CTNNA2: variants seen among roughly 807,000 people sequenced by gnomAD.
The protein encoded by CTNNA2 is catenin alpha-2.
A neutral mutation model predicts 101.0 loss-of-function variants in CTNNA2; 42 were observed. The observed-to-expected ratio is 0.42, with a 90% CI of 0.32 to 0.54. The LOEUF (loss-of-function observed/expected upper bound fraction) is 0.54, where lower values mean the gene tolerates loss of function less well. Ranked by LOEUF, CTNNA2 falls within the 20% of genes least tolerant of loss-of-function variation. The pLI is 0.14. For missense variants in CTNNA2, 871 were observed against 1,223.1 expected, an observed-to-expected ratio of 0.71 and a Z score of 4.29; for synonymous variants, 450 against 456.4, an observed-to-expected ratio of 0.99 and a Z score of 0.18.
intron 7 of CTNNA2, among the ~76,000 whole-genome samples, chr2:79,932,154 C>A (rs1481444483): frequency 2.0e-5 from 3 of 152,156 alleles, no homozygotes; most frequent in African/African-American, 7.2e-5. Context: ...CTGTTGTACA[C>A]CCAGACTGCA....
intron 7 of CTNNA2, among the ~76,000 whole-genome samples, chr2:80,169,287 C>A (rs919799785): frequency 2.6e-5 from 4 of 152,088 alleles, no homozygotes; most frequent in Non-Finnish European, 5.9e-5. Context: ...GCACGAAATT[C>A]CTCACCATGG....
intron 7 of CTNNA2, among the ~76,000 whole-genome samples, chr2:80,297,287 A>G (rs1396881494): frequency 6.6e-6 from 1 of 152,172 alleles, no homozygotes; most frequent in Admixed American, 6.5e-5. Flanking sequence ...TGTGTAGTGA[A>G]AAGGCCACCA....
intron 14 of CTNNA2, among the ~76,000 whole-genome samples, chr2:80,587,160 C>A (rs1198190058): frequency 6.6e-6 from 1 of 152,100 alleles, no homozygotes; most frequent in Non-Finnish European, 1.5e-5. Context: ...CTATGAATTT[C>A]TCTAGGCCTA....
intron 1 of CTNNA2, among the ~76,000 whole-genome samples, chr2:79,523,466 A>G (rs1672230934): frequency 6.6e-6 from 1 of 152,072 alleles, no homozygotes; most frequent in African/African-American, 2.4e-5. Context: ...CTATTACTTG[A>G]TAGTGTGGTT....
At chr2:80,024,629 C>T (rs572083141) in intron 7 of CTNNA2, among the ~76,000 whole-genome samples, 2 of 152,322 alleles carry the variant, frequency 1.3e-5, no homozygotes, top group Non-Finnish European at 2.9e-5. Context: ...GGTCACTCCG[C>T]TCTGGTGGGA....
chr2:79,792,284 C>T (rs1675333798), intron 3 of CTNNA2, among the ~76,000 whole-genome samples: 1 of 152,060 alleles, frequency 6.6e-6, no homozygotes, highest in Non-Finnish European at 1.5e-5. Flanking sequence ...TAGTAAACAG[C>T]CTTGGAAATA....
At chr2:80,549,208 C>G (rs1449269189) in intron 11 of CTNNA2, among the ~76,000 whole-genome samples, 1 of 152,156 alleles carries the variant, frequency 6.6e-6, no homozygotes, top group Non-Finnish European at 1.5e-5. Flanking sequence ...TTAAAATAAG[C>G]ATCTTGGCAT....
At chr2:79,550,817 A>G (rs1486641993) in intron 1 of CTNNA2, among the ~76,000 whole-genome samples, 1 of 152,060 alleles carries the variant, frequency 6.6e-6, no homozygotes, top group Non-Finnish European at 1.5e-5. Flanking sequence ...AACCTAATAT[A>G]CCCACAGTCA....
intron 9 of CTNNA2, among the ~76,000 whole-genome samples, chr2:80,440,461 T>C (rs1273930168): frequency 6.6e-6 from 1 of 152,234 alleles, no homozygotes; most frequent in East Asian, 1.9e-4. Flanking sequence ...TGCTGAGTTC[T>C]TGGCTATCAT....
chr2:79,254,513 G>A (rs989997082), intron 2 of CTNNA2, among the ~76,000 whole-genome samples: 6 of 152,208 alleles, frequency 3.9e-5, no homozygotes, highest in Non-Finnish European at 1.5e-5. Context: ...CTCCTGCTTC[G>A]CCTTCTGCCA....
intron 7 of CTNNA2, among the ~76,000 whole-genome samples, chr2:80,007,335 A>C (rs1158392906): frequency 6.6e-6 from 1 of 152,194 alleles, no homozygotes; most frequent in African/African-American, 2.4e-5. Flanking sequence ...AATTCCATCA[A>C]AACTTTATTA....
intron 3 of CTNNA2, among the ~76,000 whole-genome samples, chr2:79,316,559 C>A (rs1383541399): frequency 6.6e-6 from 1 of 152,014 alleles, no homozygotes; most frequent in African/African-American, 2.4e-5. Context: ...CACAGGCTTT[C>A]TTTCCACTCA....
chr2:80,323,653 T>G (rs1447837023), intron 7 of CTNNA2, among the ~76,000 whole-genome samples: 2 of 152,120 alleles, frequency 1.3e-5, no homozygotes, highest in African/African-American at 4.8e-5. Context: ...TTGTGTTTCT[T>G]CTTTTCTTTC....
chr2:79,723,729 A>G (rs1394443060), intron 2 of CTNNA2, among the ~76,000 whole-genome samples: 1 of 152,218 alleles, frequency 6.6e-6, no homozygotes, highest in East Asian at 1.9e-4. Flanking sequence ...AAATGAATAT[A>G]TGTGAGTTCT....
chr2:79,362,420 G>A (rs7589831), intron 3 of CTNNA2, among the ~76,000 whole-genome samples: 44,711 of 152,018 alleles, frequency 0.29, 6,741 homozygotes, highest in Middle Eastern at 0.44. Context: ...TTCATGTCAG[G>A]TATCATATGT....
chr2:80,524,144 G>T (rs888132760), intron 9 of CTNNA2, among the ~76,000 whole-genome samples: 9 of 152,156 alleles, frequency 5.9e-5, no homozygotes, highest in Non-Finnish European at 1.3e-4. Context: ...AGTGGGAGGA[G>T]CACTGGTTTG....
At chr2:80,045,196 C>A (rs1386471059) in intron 7 of CTNNA2, among the ~76,000 whole-genome samples, 1 of 152,146 alleles carries the variant, frequency 6.6e-6, no homozygotes, top group Non-Finnish European at 1.5e-5. Flanking sequence ...TACTGTGCCC[C>A]TTCTGTATCT....
intron 1 of CTNNA2, among the ~76,000 whole-genome samples, chr2:79,586,268 CT>C (rs1181940263): frequency 5.3e-5 from 8 of 152,112 alleles, no homozygotes; most frequent in Non-Finnish European, 1.5e-5. Flanking sequence ...CTTCTGATTA[CT>C]TTCTGTCAAG....
In CTNNA2 at chr2:79,233,179, G is replaced by C. The variant is rs187596751; in HGVS notation, c.-406+35103G>C. Among the ~76,000 whole-genome samples, 36 of 152,136 alleles carry C rather than the reference G, an allele frequency of 2.4e-4. 2 individuals carry two copies. The East Asian group carries it at 6.8e-3, about 29-fold the overall frequency. ...TAATTTGAGAACTTTCTAACCTCTT[G>C]ATAAAGGTGTTTAGCACATAAACTT... On this transcript the variant is annotated intron_variant, in intron 2 of 21. Transcript: ENST00000466387.
Sources: gnomAD v4.1 joint callset for allele counts (sites outside exome capture counted in the v4.1 genomes callset) on GRCh38, gnomAD v4.1.1 for gene constraint, MANE v1.5 for transcripts, NCBI Gene and HGNC (gene_info 2026-07-23, HGNC 2026-07-21) for gene names.